The following SIPA1L2 variants were observed in gnomAD, a reference collection of about 807,000 sequenced individuals.
SIPA1L2 encodes the protein signal-induced proliferation-associated 1-like protein 2.
Under a neutral mutation model 163.9 loss-of-function variants are expected in SIPA1L2, and 56 were observed. That is an observed-to-expected ratio of 0.34 (90% confidence interval 0.28 to 0.43). SIPA1L2 has a LOEUF of 0.43. Ranked by LOEUF, SIPA1L2 falls within the 20% of genes least tolerant of loss-of-function variation. SIPA1L2 has a pLI of 1.00. For missense variants in SIPA1L2, 1,974 were observed against 2,193.5 expected, an observed-to-expected ratio of 0.90 and a Z score of 2.00; for synonymous variants, 877 against 865.7, an observed-to-expected ratio of 1.01 and a Z score of -0.23.
At chr1:232,616,367 G>A (rs1054358774) in intron 1 of SIPA1L2, among the ~76,000 whole-genome samples, 1 of 152,178 alleles carries the variant, frequency 6.6e-6, no homozygotes, top group African/African-American at 2.4e-5. Flanking sequence ...CCAGCTACAC[G>A]ACATTCCCTA....
intron 19 of SIPA1L2, among the ~76,000 whole-genome samples, chr1:232,409,240 G>A (rs1017366431): frequency 7.9e-5 from 12 of 152,262 alleles, no homozygotes; most frequent in Admixed American, 2.6e-4. Context: ...AGGAAGCACC[G>A]TCATCTTTAC....
chr1:232,526,282 C>CT (rs1318200399), intron 2 of SIPA1L2, among the ~76,000 whole-genome samples: 1 of 152,114 alleles, frequency 6.6e-6, no homozygotes, highest in Admixed American at 6.5e-5. Flanking sequence ...AGTCTAACTC[C>CT]TCAAAAAGCA....
intron 4 of SIPA1L2, 26 bp from the exon 5 acceptor site, chr1:232,491,088 G>C (rs754597332): frequency 1.2e-5 from 19 of 1,587,754 alleles, no homozygotes; most frequent in Non-Finnish European, 1.6e-5. Context: ...ATAAGACTTC[G>C]GTTAATATTG....
At chr1:232,564,248 G>T (rs1387096780) in intron 2 of SIPA1L2, among the ~76,000 whole-genome samples, 8 of 38,378 alleles carry the variant, frequency 2.1e-4, no homozygotes, top group South Asian at 9.8e-4. Context: ...GTGTGTGTGT[G>T]TGTGTGTGTG....
intron 16 of SIPA1L2, 58 bp downstream of exon 16, chr1:232,432,189 C>T: frequency 7.2e-7 from 1 of 1,380,098 alleles, no homozygotes; most frequent in African/African-American, 1.4e-5. Context: ...AATACATTTG[C>T]TTAGTCAATC....
intron 2 of SIPA1L2, among the ~76,000 whole-genome samples, chr1:232,537,631 A>T (rs1657393707): frequency 6.6e-6 from 1 of 152,234 alleles, no homozygotes; most frequent in South Asian, 2.1e-4. Context: ...CTAGTAGCAC[A>T]GATGGGCTGT....
chr1:232,572,010 G>A (rs188019195), intron 2 of SIPA1L2, among the ~76,000 whole-genome samples: 148 of 152,292 alleles, frequency 9.7e-4, no homozygotes, highest in Admixed American at 2.7e-3. Context: ...ATTGTATACG[G>A]TAGCATATTC....
At chr1:232,526,564 ATGCTCGCCTGC>A (rs1667718150) in intron 2 of SIPA1L2, among the ~76,000 whole-genome samples, 2 of 152,120 alleles carry the variant, frequency 1.3e-5, no homozygotes, top group Admixed American at 1.3e-4. Flanking sequence ...TCAGGCAGTA[ATGCTCGCCTGC>A]TGCTCGCCTC....
In SIPA1L2 at chr1:232,399,374, T is replaced by A. The variant is rs996368179; in HGVS notation, c.5023-101A>T. On this transcript the variant is annotated intron_variant, in intron 22 of 22. Coordinates refer to ENST00000674635, the MANE Select transcript of SIPA1L2 (RefSeq NM_020808.5). ...TCTTTGATTCTTATTTTTACTTATGTACTTTTTGAGGGGAGAAGGGGTGAC... is the reference window on the plus strand; with the variant it reads ...TCTTTGATTCTTATTTTTACTTATGAACTTTTTGAGGGGAGAAGGGGTGAC... 8 of 1,347,208 alleles carry A rather than the reference T, an allele frequency of 5.9e-6. No homozygotes were observed. The African/African-American group carries it at 1.0e-4, about 17-fold the overall frequency. The allele number at this position is 1,347,208 out of a possible 1,614,324, so 83.5% of individuals were successfully genotyped here.
intron 18 of SIPA1L2, among the ~76,000 whole-genome samples, chr1:232,423,241 C>T (rs548943003): frequency 3.3e-5 from 5 of 152,252 alleles, no homozygotes; most frequent in African/African-American, 1.2e-4. Flanking sequence ...TAGGTTAGGT[C>T]GCCATATACG....
At chr1:232,479,758 A>T (rs748901357) in intron 6 of SIPA1L2, 28 bp from the exon 7 acceptor site, 2 of 1,588,508 alleles carry the variant, frequency 1.3e-6, no homozygotes, top group South Asian at 2.2e-5. Flanking sequence ...TTACAGAAGC[A>T]AGGTAAGCTG....
chr1:232,619,534 G>A (rs1486868701), intron 1 of SIPA1L2, among the ~76,000 whole-genome samples: 2 of 152,188 alleles, frequency 1.3e-5, no homozygotes, highest in Non-Finnish European at 2.9e-5. Flanking sequence ...AGTAACATCA[G>A]GAAGTTTAAC....
chr1:232,506,100 C>G (rs1045105365), intron 3 of SIPA1L2, among the ~76,000 whole-genome samples: 2 of 152,132 alleles, frequency 1.3e-5, no homozygotes, highest in Non-Finnish European at 2.9e-5. Context: ...ATGGACTTCA[C>G]CAGACACCTT....
intron 6 of SIPA1L2, among the ~76,000 whole-genome samples, chr1:232,480,313 T>C (rs1665281209): frequency 6.6e-6 from 1 of 152,196 alleles, no homozygotes; most frequent in Non-Finnish European, 1.5e-5. Flanking sequence ...TGTCTTTCCC[T>C]GAATGTAATT....
rs1184481995 is a variant in SIPA1L2 at position 232,515,143 on chromosome 1, T to C, written c.197A>G (p.Asn66Ser). The C allele has an allele frequency of 6.2e-7, 1 of 1,613,962 alleles. No individual in the cohort carries two copies. The highest frequency in any genetic ancestry group is 1.7e-5 in the Admixed American group (1 of 60,004). Reference protein sequence around the residue: ...SNETGGGGPANGTPAVPKMGV... With the variant: ...SNETGGGGPASGTPAVPKMGV... ...CATCTTGGGCACAGCTGGGGTACCA[T>C]TAGCCGGACCACCACCGCCAGTCTC... Residue 66 changes from asparagine (N) to serine (S), a missense_variant, in exon 3 of 23, where the codon AAT becomes AGT. Physicochemically the swap from Asn to Ser is conservative, Grantham distance 46. Around this residue, in one of 3 missense-constraint regions of SIPA1L2, gnomAD observed 607 missense variants for 624.0 expected, o/e 0.97. Transcript: ENST00000674635.
chr1:232,558,314 C>A (rs781518120), intron 2 of SIPA1L2, among the ~76,000 whole-genome samples: 1 of 152,190 alleles, frequency 6.6e-6, no homozygotes, highest in Non-Finnish European at 1.5e-5. Context: ...GGACCCTCAG[C>A]CACTAGATGG....
intron 1 of SIPA1L2, among the ~76,000 whole-genome samples, chr1:232,580,520 G>C (rs1330171039): frequency 1.3e-5 from 2 of 152,154 alleles, no homozygotes. Flanking sequence ...CCTGACAGGA[G>C]CATGGCCAAA....
Position 232,528,056 on chromosome 1 carries a change from CTT to C in SIPA1L2, c.-269-12450_-269-12449del, listed in dbSNP as rs376311230. 1.5e-3 allele frequency among the ~76,000 whole-genome samples: 182 copies of C among 123,726 alleles called. 2 individuals carry two copies. Among genetic ancestry groups the C allele is most frequent in the African/African-American group, 6.0e-3 (171 of 28,542 alleles). 81.2% of individuals were successfully genotyped at this position (123,726 alleles called of 152,430 possible). ...AACACCCAACAGTGAAAACTGATCT[CTT>C]GTTAGCAAGTAAGCAAGTTTTATAT... is the stretch of plus-strand genomic sequence containing the variant. On this transcript the variant is annotated intron_variant, in intron 2 of 22. Coordinates refer to ENST00000674635, the MANE Select transcript of SIPA1L2 (RefSeq NM_020808.5).
chr1:232,456,369 A>T (rs1052381606), intron 10 of SIPA1L2, among the ~76,000 whole-genome samples: 1 of 152,062 alleles, frequency 6.6e-6, no homozygotes, highest in Non-Finnish European at 1.5e-5. Flanking sequence ...ATGAGAACAT[A>T]AAGTTTTAAT....
Sources: allele counts gnomAD v4.1 joint callset (sites outside exome capture counted in the v4.1 genomes callset), GRCh38; gene constraint gnomAD v4.1.1; regional missense constraint gnomAD v4.1.1; transcripts MANE v1.5; gene names NCBI Gene and HGNC (gene_info 2026-07-23, HGNC 2026-07-21).